Variants in CPE observed in about 807,000 individuals in gnomAD.
The protein encoded by CPE is carbocypeptidase E.
In CPE, 17 loss-of-function variants were observed where a neutral mutation model predicts 53.5. The ratio of observed to expected loss-of-function variants is 0.32; its 90% CI spans 0.22 to 0.48. CPE has a LOEUF of 0.48. Among genes scored for constraint, CPE ranks in the 20% least tolerant of loss-of-function variants. The pLI is 0.99. For missense variants in CPE, 524 were observed against 614.7 expected (o/e 0.85, Z 1.56); for synonymous variants, 226 against 228.8 (o/e 0.99, Z 0.11).
intron 5 of CPE, among the ~76,000 whole-genome samples, chr4:165,485,701 T>C (rs1732495330): frequency 6.6e-6 from 1 of 152,202 alleles, no homozygotes; most frequent in African/African-American, 2.4e-5. Context: ...AAGTAATCTA[T>C]ATCAGTTAAA....
chr4:165,380,963 T>G (rs893908491), intron 1 of CPE, among the ~76,000 whole-genome samples: 7 of 152,198 alleles, frequency 4.6e-5, no homozygotes, highest in African/African-American at 7.2e-5. Flanking sequence ...GATTTTCAGC[T>G]AAATCCAATA....
intron 1 of CPE, chr4:165,406,373 G>A (rs1730954712): frequency 4.4e-6 from 2 of 454,646 alleles, no homozygotes; most frequent in South Asian, 3.9e-5. Context: ...AACAGCAGTG[G>A]AGAGCGCTTC....
intron 1 of CPE, among the ~76,000 whole-genome samples, chr4:165,414,521 T>C (rs956516167): frequency 1.3e-5 from 2 of 152,294 alleles, no homozygotes; most frequent in Middle Eastern, 3.4e-3. Flanking sequence ...CTTGGAATAT[T>C]CTCCTGCATA....
At chr4:165,488,694 A>G (rs1190688574) in intron 6 of CPE, among the ~76,000 whole-genome samples, 2 of 152,216 alleles carry the variant, frequency 1.3e-5, no homozygotes, top group Non-Finnish European at 2.9e-5. Context: ...AAGTATTTAT[A>G]TGTGTATATG....
chr4:165,478,315 C>G (rs921023752), intron 3 of CPE, among the ~76,000 whole-genome samples: 1 of 152,062 alleles, frequency 6.6e-6, no homozygotes, highest in Non-Finnish European at 1.5e-5. Flanking sequence ...ACACAGGGGT[C>G]TCAGGATTTA....
intron 7 of CPE, among the ~76,000 whole-genome samples, chr4:165,493,795 G>C (rs1732653520): frequency 1.3e-5 from 2 of 152,194 alleles, no homozygotes; most frequent in African/African-American, 4.8e-5. Context: ...TAGGATTGAG[G>C]TGCGATGTTA....
At chr4:165,427,332 T>C (rs1731337607) in intron 1 of CPE, among the ~76,000 whole-genome samples, 1 of 137,254 alleles carries the variant, frequency 7.3e-6, no homozygotes, top group Non-Finnish European at 1.6e-5. Context: ...AATTACCTTT[T>C]TGTTTTTTTT....
chr4:165,495,501 ATT>A (rs2126719249), intron 7 of CPE, 56 bp from the exon 8 acceptor site: 1 of 1,132,624 alleles, frequency 8.8e-7, no homozygotes, highest in Non-Finnish European at 1.3e-6. Context: ...ATAATTATGC[ATT>A]GTGTAATTCT....
chr4:165,461,188 G>GAAAAAGAA (rs1553976642), intron 1 of CPE, among the ~76,000 whole-genome samples: 8 of 81,142 alleles, frequency 9.9e-5, no homozygotes, highest in Non-Finnish European at 1.4e-4. Flanking sequence ...AAAAAAAAAA[G>GAAAAAGAA]AAAGAAAGAA....
intron 1 of CPE, among the ~76,000 whole-genome samples, chr4:165,417,024 T>G (rs1731136844): frequency 1.3e-5 from 2 of 152,152 alleles, no homozygotes; most frequent in South Asian, 4.1e-4. Flanking sequence ...TAGGTTTTAT[T>G]TAGAAAGCTG....
chr4:165,438,291 G>A (rs981029267), intron 1 of CPE, among the ~76,000 whole-genome samples: 3 of 152,086 alleles, frequency 2.0e-5, no homozygotes, highest in African/African-American at 7.2e-5. Context: ...GATAAATGGA[G>A]TTATGTGAGG....
intron 1 of CPE, among the ~76,000 whole-genome samples, chr4:165,395,962 G>A (rs1008703126): frequency 3.9e-5 from 6 of 152,060 alleles, no homozygotes; most frequent in East Asian, 1.9e-4. Context: ...TCATCCAATC[G>A]GTTATTCTAA....
intron 4 of CPE, among the ~76,000 whole-genome samples, chr4:165,483,503 C>G (rs74474403): frequency 0.014 from 2,145 of 152,292 alleles, 55 homozygotes; most frequent in African/African-American, 0.048. Flanking sequence ...TGGATGCATA[C>G]TCAGTAGTGG....
At chr4:165,384,653 C>T (rs1006268506) in intron 1 of CPE, among the ~76,000 whole-genome samples, 2 of 152,066 alleles carry the variant, frequency 1.3e-5, no homozygotes, top group African/African-American at 4.8e-5. Context: ...AAAAAGGGAG[C>T]TTATCTTGGA....
At chr4:165,384,763 T>C (rs1402285929) in intron 1 of CPE, among the ~76,000 whole-genome samples, 1 of 152,132 alleles carries the variant, frequency 6.6e-6, no homozygotes, top group Non-Finnish European at 1.5e-5. Flanking sequence ...AAAAAAATGA[T>C]TCAGTTGGCA....
intron 6 of CPE, 147 bp from the exon 7 acceptor site, chr4:165,493,024 C>A: frequency 1.9e-6 from 1 of 526,322 alleles, no homozygotes; most frequent in Non-Finnish European, 3.4e-6. Context: ...AATTCAGTGG[C>A]CTTTTGTGCA....
chr4:165,468,509 T>A (rs1732146888), intron 3 of CPE, among the ~76,000 whole-genome samples: 1 of 152,212 alleles, frequency 6.6e-6, no homozygotes, highest in Non-Finnish European at 1.5e-5. Context: ...GCTCAGGTTG[T>A]CCAGAAACAA....
chr4:165,381,513 C>T (rs919015522), intron 1 of CPE: 27 of 335,998 alleles, frequency 8.0e-5, no homozygotes, highest in Admixed American at 5.4e-4. Context: ...GAGACAAACT[C>T]GGAAGTGTTG....
At chr4:165,459,679 G>GGT (rs1731962163) in intron 1 of CPE, among the ~76,000 whole-genome samples, 1 of 130,950 alleles carries the variant, frequency 7.6e-6, no homozygotes, top group Non-Finnish European at 1.6e-5. Context: ...CTGGGTGGGG[G>GGT]GGGGCGGGGC....
Sources: allele counts gnomAD v4.1 joint callset (sites outside exome capture counted in the v4.1 genomes callset), GRCh38; gene constraint gnomAD v4.1.1; transcripts MANE v1.5; gene names NCBI Gene and HGNC (gene_info 2026-07-23, HGNC 2026-07-21).